MEPCE: variants seen among roughly 807,000 people sequenced by gnomAD.
MEPCE encodes the protein methylphosphate capping enzyme, also known as 7SK snRNA methylphosphate capping enzyme.
A neutral mutation model predicts 52.3 loss-of-function variants in MEPCE; 9 were observed. The ratio of observed to expected loss-of-function variants is 0.17; its 90% CI spans 0.10 to 0.30. MEPCE has a LOEUF of 0.30. MEPCE is among the 10% of genes least tolerant of loss of function. MEPCE has a pLI of 1.00. For missense variants in MEPCE, 826 were observed against 933.0 expected (o/e 0.89, Z 1.49); for synonymous variants, 477 against 401.6 (o/e 1.19, Z -2.25).
chr7:100,432,218 C>G (rs912611658), intron 1 of MEPCE, among the ~76,000 whole-genome samples: 3 of 152,154 alleles, frequency 2.0e-5, no homozygotes, highest in African/African-American at 7.2e-5. Flanking sequence ...AGTGGTTTGG[C>G]TGTAGATCCT....
At chr7:100,431,818 C>A in intron 1 of MEPCE, 129 bp downstream of exon 1, 2 of 836,044 alleles carry the variant, frequency 2.4e-6, no homozygotes, top group Non-Finnish European at 3.6e-6. Flanking sequence ...AGAGCCTCTG[C>A]TGGGCGTCTC....
upstream of MEPCE, chr7:100,429,806 C>G (rs899410440): frequency 4.1e-5 from 17 of 410,262 alleles, no homozygotes; most frequent in Non-Finnish European, 8.4e-6. Flanking sequence ...CGGTTGAGTC[C>G]TCGAGTAGTT....
In MEPCE at chr7:100,433,664, C is replaced by A; in HGVS notation, c.*110C>A. 8.7e-7 allele frequency: 1 copy of A among 1,146,776 alleles called. No individual in the cohort carries two copies. The highest frequency in any genetic ancestry group is 1.4e-5 in the South Asian group (1 of 72,908). The allele number at this position is 1,146,776 out of a possible 1,614,324, so 71.0% of individuals were successfully genotyped here. A position where few individuals can be genotyped will look rare whatever the true frequency, so the allele number is the denominator to read the frequency against. ...TCCTTTCTGACTCCAAAAATAGTTT[C>A]CTTTCTTGGATCTGCAAAGAAAGCT... is the stretch of plus-strand genomic sequence containing the variant. On this transcript the variant is annotated 3_prime_UTR_variant, in exon 4 of 4. Coordinates refer to ENST00000310512, the MANE Select transcript of MEPCE (RefSeq NM_019606.6).
In MEPCE at chr7:100,431,460, A is replaced by T; in HGVS notation, c.1442A>T (p.His481Leu). The T allele has an allele frequency of 6.2e-7, 1 of 1,613,664 alleles. No homozygotes were observed. Among genetic ancestry groups the T allele is most frequent in the Non-Finnish European group, 8.5e-7 (1 of 1,179,970 alleles). The change falls in exon 1 of 4, where the codon CAT becomes CTT. Residue 481 changes from histidine to leucine, a missense_variant. Transcript: ENST00000310512. ...VGLDIDSRLI[H>L]SARQNIRHYL... ...CTGGATATCGATTCCCGGCTCATCC[A>T]TTCTGCCCGCCAAAACATCCGACAC...
In MEPCE at chr7:100,430,944, A is replaced by C. The variant is rs1798664946; in HGVS notation, c.926A>C (p.Asn309Thr). The C allele has an allele frequency of 4.4e-6, 7 of 1,608,628 alleles. No homozygotes were observed. The highest frequency in any genetic ancestry group is 5.9e-6 in the Non-Finnish European group (7 of 1,176,728). The change falls in exon 1 of 4, where the codon AAC becomes ACC. Residue 309 changes from asparagine to threonine, a missense_variant. By Grantham distance (65) the Asn-to-Thr change is moderately conservative. Transcript: ENST00000310512. ...ASQQPRHRGQ[N>T]RDAPQPYELN... ...CAGCAGCCGCGGCACAGGGGCCAGA[A>C]CCGGGATGCCCCCCAACCCTATGAA...
intron 1 of MEPCE, 135 bp downstream of exon 1, chr7:100,431,824 GTC>G: frequency 2.5e-6 from 2 of 812,166 alleles, no homozygotes; most frequent in Non-Finnish European, 3.8e-6. Flanking sequence ...TCTGCTGGGC[GTC>G]TCTCCCCTCT....
rs576544586 is a variant in MEPCE at position 100,429,867 on chromosome 7, T to A, written c.-152T>A. On this transcript the variant is annotated 5_prime_UTR_variant, in exon 1 of 4. Coordinates refer to ENST00000310512, the MANE Select transcript of MEPCE (RefSeq NM_019606.6). ...GTCTCGCGGGCTAGTAGGGCGCACT[T>A]GGCGGGGAGGCGCTTGGGCGCGAGA... is the stretch of plus-strand genomic sequence containing the variant. 81 of 596,676 alleles carry A rather than the reference T, an allele frequency of 1.4e-4. No homozygotes were observed. The South Asian group carries it at 6.4e-3, about 47-fold the overall frequency. The allele number at this position is 596,676 out of a possible 1,614,324, so 37.0% of individuals were successfully genotyped here. A position where few individuals can be genotyped will look rare whatever the true frequency, so the allele number is the denominator to read the frequency against.
chr7:100,430,101 GC>G lies in MEPCE; in HGVS notation c.84del (p.Gly29AlafsTer127). Reference sequence around the variant, plus strand: ...CTCAAAGATGAGTCGGGCGGAGGGGGCGGCCCCACGGTGCCACCGCACCAAG... The same window carrying G: ...CTCAAAGATGAGTCGGGCGGAGGGGGGGCCCCACGGTGCCACCGCACCAAG... ...PPLKDESGGG[G>X]GPTVPPHQEA... On this transcript the variant is annotated frameshift_variant, in exon 1 of 4. Coordinates refer to ENST00000310512, the MANE Select transcript of MEPCE (RefSeq NM_019606.6). LOFTEE classifies it high-confidence loss of function. 7.9e-7 allele frequency: 1 copy of G among 1,262,506 alleles called. No individual in the cohort carries two copies. The allele number at this position is 1,262,506 out of a possible 1,614,324, so 78.2% of individuals were successfully genotyped here. A position where few individuals can be genotyped will look rare whatever the true frequency, so the allele number is the denominator to read the frequency against.
rs371542963 is a variant in MEPCE, at chr7:100,431,362, A to G, written c.1344A>G (p.Leu448=). ...KPEWFRGRDV[L]DLGCNVGHLT... is the part of the protein sequence containing the mutation. The stretch of plus-strand genomic sequence containing the variant: ...AGTGGTTTCGGGGCCGGGACGTCCT[A>G]GATCTGGGCTGCAATGTGGGCCATC... Residue 448 remains leucine (L), a synonymous_variant, in exon 1 of 4, where the codon CTA becomes CTG. Transcript: ENST00000310512. 84 of 1,613,992 alleles carry G rather than the reference A, an allele frequency of 5.2e-5. No individual in the cohort carries two copies. The highest frequency in any genetic ancestry group is 3.3e-4 in the Middle Eastern group (2 of 6,084).
chr7:100,430,956 C>T lies in MEPCE; in HGVS notation c.938C>T (p.Pro313Leu). Reference sequence around the variant, plus strand: ...CACAGGGGCCAGAACCGGGATGCCCCCCAACCCTATGAACTCAACACAGCC... The same window carrying T: ...CACAGGGGCCAGAACCGGGATGCCCTCCAACCCTATGAACTCAACACAGCC... The part of the protein sequence containing the change: ...PRHRGQNRDA[P>L]QPYELNTAIN... Residue 313 changes from proline to leucine, a missense_variant, in exon 1 of 4, where the codon CCC becomes CTC. Pro to Leu is a moderately conservative substitution (Grantham distance 98). Coordinates refer to ENST00000310512, the MANE Select transcript of MEPCE (RefSeq NM_019606.6). 6.2e-7 allele frequency: 1 copy of T among 1,609,296 alleles called. No homozygotes were observed. The highest frequency in any genetic ancestry group is 8.5e-7 in the Non-Finnish European group (1 of 1,177,050).
At position 100,429,893 on chromosome 7, in the gene MEPCE, C is replaced by G. The variant is rs927278483; in HGVS notation, c.-126C>G. 2.6e-6 allele frequency: 2 copies of G among 778,364 alleles called. No individual in the cohort carries two copies. Among genetic ancestry groups the G allele is most frequent in the Non-Finnish European group, 3.5e-6 (2 of 574,622 alleles). 48.2% of individuals were successfully genotyped at this position (778,364 alleles called of 1,614,324 possible). A position where few individuals can be genotyped will look rare whatever the true frequency, so the allele number is the denominator to read the frequency against. Reference sequence around the variant, plus strand: ...GGCGGGGAGGCGCTTGGGCGCGAGACTAGGCGTGAAGAGCAGAGCTGCGCG... The same window carrying G: ...GGCGGGGAGGCGCTTGGGCGCGAGAGTAGGCGTGAAGAGCAGAGCTGCGCG... On this transcript the variant is annotated 5_prime_UTR_variant, in exon 1 of 4. Transcript: ENST00000310512.
upstream of MEPCE, chr7:100,429,797 G>T (rs751132798): frequency 2.0e-5 from 8 of 401,196 alleles, no homozygotes; most frequent in Non-Finnish European, 3.0e-5. Context: ...GCGCACGCGC[G>T]GTTGAGTCCT....
At chr7:100,432,289 G>A (rs1798741652) in intron 1 of MEPCE, among the ~76,000 whole-genome samples, 1 of 152,164 alleles carries the variant, frequency 6.6e-6, no homozygotes, top group African/African-American at 2.4e-5. Context: ...GCAGAGAGGA[G>A]AGAGTCCTGT....
chr7:100,431,501 C>A lies in MEPCE; in HGVS notation c.1483C>A (p.Leu495Met). The change falls in exon 1 of 4, where the codon CTG becomes ATG. Residue 495 changes from leucine (L) to methionine (M), a missense_variant. Physicochemically the swap from Leu to Met is conservative, Grantham distance 15 (BLOSUM62 2). Coordinates refer to ENST00000310512, the MANE Select transcript of MEPCE (RefSeq NM_019606.6). The part of the protein sequence containing the change: ...QNIRHYLSEE[L>M]RLPPQTLEGD... ...CATCCGACACTACCTTTCCGAGGAG[C>A]TGCGTCTCCCACCCCAGACTTTGGA... 6.2e-7 allele frequency: 1 copy of A among 1,613,496 alleles called. No individual in the cohort carries two copies. Among genetic ancestry groups the A allele is most frequent in the Non-Finnish European group, 8.5e-7 (1 of 1,180,036 alleles).
At position 100,431,044 on chromosome 7, in the gene MEPCE, C is replaced by T. The variant is rs199711718; in HGVS notation, c.1026C>T (p.Ser342=). Reference sequence around the variant, plus strand: ...CTGCTCTGCAGGGTCCCTCAGGCTCCCTATCAGCCCCTCCAGCTGCCTCAG... The same window carrying T: ...CTGCTCTGCAGGGTCCCTCAGGCTCTCTATCAGCCCCTCCAGCTGCCTCAG... ...LPSALQGPSG[S]LSAPPAASVI... is the part of the protein sequence containing the mutation. The change falls in exon 1 of 4, where the codon TCC becomes TCT. Residue 342 remains serine (S), a synonymous_variant. Transcript: ENST00000310512. 5.6e-4 allele frequency: 903 copies of T among 1,613,882 alleles called. 9 individuals are homozygous for T. The highest frequency in any genetic ancestry group is 4.2e-4 in the East Asian group (19 of 44,888).
intron 1 of MEPCE, among the ~76,000 whole-genome samples, 167 bp downstream of exon 1, chr7:100,431,856 G>T (rs569642902): frequency 6.6e-6 from 1 of 152,330 alleles, no homozygotes; most frequent in African/African-American, 2.4e-5. Flanking sequence ...GAAAGGTGGG[G>T]TGTCTACCTT....
chr7:100,430,579 G>C lies in MEPCE; in HGVS notation c.561G>C (p.Leu187=), dbSNP rs1428761062. 2 of 1,604,052 alleles carry C rather than the reference G, an allele frequency of 1.2e-6. No individual in the cohort carries two copies. Among genetic ancestry groups the C allele is most frequent in the South Asian group, 2.2e-5 (2 of 90,706 alleles). Reference sequence around the variant, plus strand: ...CTGTGTTACCCTCCAACTTCCTCCTGGGGGGCAATATCTTTGATCCCCTGA... The same window carrying C: ...CTGTGTTACCCTCCAACTTCCTCCTCGGGGGCAATATCTTTGATCCCCTGA... ...CDSVLPSNFL[L]GGNIFDPLNL... The change falls in exon 1 of 4, where the codon CTG becomes CTC. Residue 187 remains leucine, a synonymous_variant. Coordinates refer to ENST00000310512, the MANE Select transcript of MEPCE (RefSeq NM_019606.6).
At chr7:100,431,963 C>T (rs1798729752) in intron 1 of MEPCE, among the ~76,000 whole-genome samples, 2 of 152,144 alleles carry the variant, frequency 1.3e-5, no homozygotes, top group Admixed American at 1.3e-4. Flanking sequence ...GCCTATAATC[C>T]ACACTGGTCC....
At chr7:100,429,032 T>A (rs1798308021), upstream of MEPCE, 1 of 152,276 alleles carries the variant, frequency 6.6e-6, no homozygotes, top group Non-Finnish European at 1.5e-5. Context: ...GAGAATATTT[T>A]CAAGGGGGGT....
Sources: allele counts gnomAD v4.1 joint callset (sites outside exome capture counted in the v4.1 genomes callset), GRCh38; gene constraint gnomAD v4.1.1; transcripts MANE v1.5; gene names NCBI Gene and HGNC (gene_info 2026-07-23, HGNC 2026-07-21).